ZBTB45: variants seen among roughly 807,000 people sequenced by gnomAD.
The protein encoded by ZBTB45 is zinc finger and BTB domain-containing protein 45.
Under a neutral mutation model 28.4 loss-of-function variants are expected in ZBTB45, and 22 were observed. The ratio of observed to expected loss-of-function variants is 0.77; its 90% CI spans 0.55 to 1.10. The LOEUF is 1.10. ZBTB45 is among the 50% of genes least tolerant of loss of function. The pLI, the probability that ZBTB45 is intolerant of heterozygous loss-of-function variation, is 0.00. For missense variants in ZBTB45, 656 were observed against 750.2 expected (o/e 0.87, Z 1.47); for synonymous variants, 361 against 332.3 (o/e 1.09, Z -0.94).
chr19:58,514,489 C>T (rs1384650681), intron 2 of ZBTB45, among the ~76,000 whole-genome samples, 179 bp from the exon 3 acceptor site: 1 of 151,844 alleles, frequency 6.6e-6, no homozygotes, highest in Non-Finnish European at 1.5e-5. Flanking sequence ...ATCTTCCTGC[C>T]CAGCAGGGAC....
upstream of ZBTB45, among the ~76,000 whole-genome samples, chr19:58,520,781 C>G (rs2053570326): frequency 6.6e-6 from 1 of 152,116 alleles, no homozygotes; most frequent in Admixed American, 6.5e-5. Flanking sequence ...CATGGCCCGG[C>G]GCAGTGGCTC....
intron 1 of ZBTB45, among the ~76,000 whole-genome samples, chr19:58,538,467 T>C (rs766138443): frequency 1.7e-4 from 25 of 151,306 alleles, no homozygotes; most frequent in Non-Finnish European, 2.9e-4. Flanking sequence ...GTGGAGGCGG[T>C]GACTATGCCG....
Position 58,517,073 on chromosome 19 carries a change from C to T in ZBTB45, c.601G>A (p.Ala201Thr), listed in dbSNP as rs139000061. Residue 201 changes from alanine to threonine, a missense_variant, in exon 2 of 3, where the codon GCG becomes ACG. Around this residue, in one of 3 missense-constraint regions of ZBTB45, gnomAD observed 448 missense variants for 444.3 expected, o/e 1.01. Coordinates refer to ENST00000594051, the MANE Select transcript of ZBTB45 (RefSeq NM_001316979.2). ...TCGTCACCTCGGTCATCAGGGGCCG[C>T]GGACAGTGAGGGGTCAGCATCAGGC... The part of the protein sequence containing the change: ...EGPDADPSLS[A>T]APDDRGDEDD... 9 of 1,613,118 alleles carry T rather than the reference C, an allele frequency of 5.6e-6. No homozygotes were observed. Among genetic ancestry groups the T allele is most frequent in the East Asian group, 4.5e-5 (2 of 44,890 alleles).
rs1161960395 is a variant in ZBTB45, at chr19:58,527,400, A to G, written c.1-9727T>C. 2.0e-5 allele frequency among the ~76,000 whole-genome samples: 3 copies of G among 152,142 alleles called. No homozygotes were observed. In the East Asian group the frequency reaches 5.8e-4, roughly 29 times the overall value. On this transcript the variant is annotated intron_variant, in intron 1 of 1. Coordinates refer to the ZBTB45 transcript ENST00000600130. The stretch of plus-strand genomic sequence containing the variant: ...TTAGAACATCTCCATCACCTCCATG[A>G]GATTGCTCAGCCCATTTCCTGAGCG...
At chr19:58,527,297 C>T (rs944005144) in intron 1 of ZBTB45, among the ~76,000 whole-genome samples, 3 of 152,156 alleles carry the variant, frequency 2.0e-5, no homozygotes, top group African/African-American at 7.2e-5. Flanking sequence ...CGAACTCTGC[C>T]ATATAATTTC....
intron 1 of ZBTB45, among the ~76,000 whole-genome samples, chr19:58,530,681 C>CTTTTT (rs112607398): frequency 6.9e-6 from 1 of 144,374 alleles, no homozygotes; most frequent in Non-Finnish European, 1.5e-5. Context: ...TGTTTTCTTT[C>CTTTTT]TTTTTTTTTT....
rs373906405 is a variant in ZBTB45 at position 58,516,785 on chromosome 19, C to T, written c.889G>A (p.Ala297Thr). The T allele has an allele frequency of 5.9e-5, 96 of 1,613,674 alleles. 1 individual carries two copies. Among genetic ancestry groups the T allele is most frequent in the Middle Eastern group, 1.6e-4 (1 of 6,082 alleles). ...TCAGTGGGACAGCCTTCGGGGACAGCGCCATCCTCGTCGTGCCAAGTGGAT... is the reference window on the plus strand; with the variant it reads ...TCAGTGGGACAGCCTTCGGGGACAGTGCCATCCTCGTCGTGCCAAGTGGAT... ...YVSTWHDEDGAVPEGCPTETP... is the reference protein window; with the variant it reads ...YVSTWHDEDGTVPEGCPTETP... The change falls in exon 2 of 3, where the codon GCT becomes ACT. Residue 297 changes from alanine to threonine, a missense_variant. Transcript: ENST00000594051. The surrounding 1 kb of genome is among the most constrained non-coding windows in gnomAD (Gnocchi z 6.2).
At chr19:58,523,556 C>G (rs2053589456), upstream of ZBTB45, among the ~76,000 whole-genome samples, 1 of 151,898 alleles carries the variant, frequency 6.6e-6, no homozygotes, top group Non-Finnish European at 1.5e-5. Context: ...CCCAACTTCT[C>G]TGGAGGCTGA....
At chr19:58,526,783 G>A (rs949156176) in intron 1 of ZBTB45, among the ~76,000 whole-genome samples, 84 of 146,010 alleles carry the variant, frequency 5.8e-4, no homozygotes, top group African/African-American at 2.0e-3. Context: ...CGCCCGCCTC[G>A]GCCTCCCAAA....
chr19:58,516,946 C>T lies in ZBTB45; in HGVS notation c.728G>A (p.Gly243Asp). 1 of 1,613,280 alleles carries T rather than the reference C, an allele frequency of 6.2e-7. No individual in the cohort carries two copies. Among genetic ancestry groups the T allele is most frequent in the Non-Finnish European group, 8.5e-7 (1 of 1,180,020 alleles). Residue 243 changes from glycine (G) to aspartate (D), a missense_variant, in exon 2 of 3, where the codon GGC (glycine) becomes GAC (aspartate). Physicochemically the swap from Gly to Asp is moderately conservative, Grantham distance 94 (BLOSUM62 -1). Coordinates refer to ENST00000594051, the MANE Select transcript of ZBTB45 (RefSeq NM_001316979.2). The surrounding 1 kb of genome is among the most constrained non-coding windows in gnomAD (Gnocchi z 6.2). ...APPSFPDCAA[G>D]FLTAAADSAC... ...GCTGTCAGCAGCAGCAGTGAGGAAG[C>T]CAGCAGCACAGTCTGGGAAGGAAGG... is the stretch of plus-strand genomic sequence containing the variant.
At chr19:58,522,492 G>A (rs1273387261), upstream of ZBTB45, among the ~76,000 whole-genome samples, 1 of 152,000 alleles carries the variant, frequency 6.6e-6, no homozygotes, top group Non-Finnish European at 1.5e-5. Flanking sequence ...AACATTAGCT[G>A]GGCGTGGTGG....
chr19:58,514,380 C>A, intron 2 of ZBTB45, 70 bp from the exon 3 acceptor site: 3 of 1,322,112 alleles, frequency 2.3e-6, no homozygotes, highest in Non-Finnish European at 2.9e-6. Context: ...CCCACCCCAC[C>A]CCCACCTGGG....
rs2053448209 is a variant in ZBTB45 at position 58,513,863 on chromosome 19, G to A, written c.*191C>T. 1 of 660,636 alleles carries A rather than the reference G, an allele frequency of 1.5e-6. No individual in the cohort carries two copies. The highest frequency in any genetic ancestry group is 2.2e-6 in the Non-Finnish European group (1 of 446,776). The allele number at this position is 660,636 out of a possible 1,614,324, so 40.9% of individuals were successfully genotyped here. On this transcript the variant is annotated 3_prime_UTR_variant, in exon 3 of 3. Coordinates refer to ENST00000594051, the MANE Select transcript of ZBTB45 (RefSeq NM_001316979.2). The stretch of plus-strand genomic sequence containing the variant: ...GCCCCAGCCCGGCACCACCTGGAGG[G>A]TTCAAGTACATGGAGGAGAGGAGTA...
chr19:58,530,686 T>A (rs1236927564), intron 1 of ZBTB45, among the ~76,000 whole-genome samples: 1 of 151,714 alleles, frequency 6.6e-6, no homozygotes, highest in Admixed American at 6.6e-5. Context: ...TCTTTCTTTT[T>A]TTTTTTTCTT....
intron 1 of ZBTB45, among the ~76,000 whole-genome samples, chr19:58,537,068 C>T (rs1158554970): frequency 1.3e-5 from 2 of 152,078 alleles, no homozygotes; most frequent in Admixed American, 1.3e-4. Context: ...ACTTATGGAC[C>T]TCTGAGTGAG....
chr19:58,535,460 C>G (rs910215827), intron 1 of ZBTB45, among the ~76,000 whole-genome samples: 4 of 151,922 alleles, frequency 2.6e-5, no homozygotes, highest in African/African-American at 9.7e-5. Flanking sequence ...CATGGTGAAA[C>G]CTCGTCTCTA....
At chr19:58,531,660 G>A (rs1350158313) in intron 1 of ZBTB45, among the ~76,000 whole-genome samples, 1 of 152,140 alleles carries the variant, frequency 6.6e-6, no homozygotes, top group Non-Finnish European at 1.5e-5. Flanking sequence ...TCAGAGTGAG[G>A]GGCTGGCTTA....
At position 58,518,541 on chromosome 19, in the gene ZBTB45, G is replaced by A. The variant is rs540185392; in HGVS notation, c.1-868C>T. 3.4e-4 allele frequency among the ~76,000 whole-genome samples: 51 copies of A among 152,178 alleles called. No homozygotes were observed. In the Middle Eastern group the frequency reaches 0.014, roughly 41 times the overall value. ...GGCACAGAGAGGGGAAGTGTGGATT[G>A]AGCAGGGGTGTGTGACTGGATAGCT... On this transcript the variant is annotated intron_variant, in intron 1 of 2. Transcript: ENST00000594051.
chr19:58,514,449 C>T, intron 2 of ZBTB45, 139 bp from the exon 3 acceptor site: 1 of 1,118,300 alleles, frequency 8.9e-7, no homozygotes, highest in Non-Finnish European at 1.2e-6. Flanking sequence ...GGATCCCTTG[C>T]CTATCAGAGA....
Sources: allele counts gnomAD v4.1 joint callset (sites outside exome capture counted in the v4.1 genomes callset), GRCh38; gene constraint gnomAD v4.1.1; regional missense constraint gnomAD v4.1.1; non-coding constraint Gnocchi (gnomAD v3.1); transcripts MANE v1.5; gene names NCBI Gene and HGNC (gene_info 2026-07-23, HGNC 2026-07-21).